The following NTNG1 variants were observed in gnomAD, a reference collection of about 807,000 sequenced individuals.
The protein encoded by NTNG1 is netrin G1.
NTNG1 carries 16 observed loss-of-function variants against 54.0 expected under a neutral mutation model. That is an observed-to-expected ratio of 0.30 (90% confidence interval 0.20 to 0.45). NTNG1 has a LOEUF of 0.45. Ranked by LOEUF, NTNG1 falls within the 20% of genes least tolerant of loss-of-function variation. The pLI is 1.00. For missense variants in NTNG1, 530 were observed against 678.7 expected (o/e 0.78, Z 2.43); for synonymous variants, 255 against 263.1 (o/e 0.97, Z 0.30).
intron 2 of NTNG1, among the ~76,000 whole-genome samples, chr1:107,286,120 T>G (rs2101745384): frequency 6.6e-6 from 1 of 152,234 alleles, no homozygotes; most frequent in East Asian, 1.9e-4. Flanking sequence ...CTATTGTAAC[T>G]TCTATATCAA....
In NTNG1 at chr1:107,288,329, G is replaced by A. The variant is rs140582863; in HGVS notation, c.247-35953G>A. Among the ~76,000 whole-genome samples the A allele has an allele frequency of 3.5e-3, 533 of 152,270 alleles. 3 individuals carry two copies. The highest frequency in any genetic ancestry group is 5.5e-3 in the Non-Finnish European group (376 of 68,010). On this transcript the variant is annotated intron_variant, in intron 2 of 7. Transcript: ENST00000370068. The stretch of plus-strand genomic sequence containing the variant: ...TTCCATGGGACATTCAGACTGGGAT[G>A]TCTGGCTGGACCACTGAAAATGAGG...
chr1:107,335,993 A>T (rs1668552216), intron 3 of NTNG1, among the ~76,000 whole-genome samples: 1 of 151,898 alleles, frequency 6.6e-6, no homozygotes, highest in South Asian at 2.1e-4. Flanking sequence ...TGTTGCTAAG[A>T]TGTTAATACT....
chr1:107,324,634 C>T lies in NTNG1; in HGVS notation c.599C>T (p.Thr200Met), dbSNP rs773062054. Residue 200 changes from threonine (T) to methionine (M), a missense_variant, in exon 3 of 8, where the codon ACG becomes ATG. Thr to Met is a moderately conservative substitution (Grantham distance 81). This residue lies in a region of NTNG1 where 318 missense variants were observed against 465.1 expected (regional missense o/e 0.68). Coordinates refer to ENST00000370068, the MANE Select transcript of NTNG1 (RefSeq NM_001113226.3). ...TCCGTGAAGGATTTATCACAGCATA[C>T]GGTCTTAGAAATCATTTGCACAGAA... ...PKSVKDLSQHTVLEIICTEEY... is the reference protein window; with the variant it reads ...PKSVKDLSQHMVLEIICTEEY... The T allele has an allele frequency of 3.1e-6, 5 of 1,613,448 alleles. No homozygotes were observed. The highest frequency in any genetic ancestry group is 1.3e-5 in the African/African-American group (1 of 74,984).
intron 2 of NTNG1, among the ~76,000 whole-genome samples, chr1:107,186,623 C>A (rs916055117): frequency 5.9e-5 from 9 of 152,112 alleles, no homozygotes; most frequent in Non-Finnish European, 1.2e-4. Context: ...AACTCTCCGG[C>A]CACCCAAGCC....
chr1:107,244,651 C>T (rs1662067566), intron 2 of NTNG1, among the ~76,000 whole-genome samples: 1 of 152,156 alleles, frequency 6.6e-6, no homozygotes, highest in Admixed American at 6.5e-5. Context: ...CTCTGTGTCT[C>T]CCTCTTCCTT....
intron 3 of NTNG1, among the ~76,000 whole-genome samples, chr1:107,341,611 A>C (rs1037609584): frequency 6.6e-6 from 1 of 152,048 alleles, no homozygotes; most frequent in Non-Finnish European, 1.5e-5. Flanking sequence ...TGAGAATGAA[A>C]ATCATGCTTA....
At chr1:107,416,811 A>G (rs1674235761) in intron 5 of NTNG1, among the ~76,000 whole-genome samples, 1 of 152,048 alleles carries the variant, frequency 6.6e-6, no homozygotes. Flanking sequence ...TAAGCTTGCA[A>G]ACATCACCTC....
chr1:107,357,091 C>G (rs1263603549), intron 3 of NTNG1, among the ~76,000 whole-genome samples: 2 of 152,178 alleles, frequency 1.3e-5, no homozygotes, highest in Non-Finnish European at 2.9e-5. Context: ...CCAGACAACA[C>G]AAATCACCAA....
At chr1:107,189,803 C>T (rs1347965628) in intron 2 of NTNG1, among the ~76,000 whole-genome samples, 1 of 130,534 alleles carries the variant, frequency 7.7e-6, no homozygotes, top group East Asian at 2.4e-4. Flanking sequence ...CAGCTATGGC[C>T]TACCAAGTCA....
chr1:107,469,610 C>A (rs1677847863), intron 7 of NTNG1, among the ~76,000 whole-genome samples: 1 of 152,104 alleles, frequency 6.6e-6, no homozygotes, highest in Non-Finnish European at 1.5e-5. Flanking sequence ...AACCTCCCCA[C>A]CATGCCCAGC....
At chr1:107,293,352 T>C (rs1291416240) in intron 2 of NTNG1, among the ~76,000 whole-genome samples, 1 of 152,206 alleles carries the variant, frequency 6.6e-6, no homozygotes, top group Non-Finnish European at 1.5e-5. Flanking sequence ...TATTGATTCA[T>C]ATTCTAGGAA....
At chr1:107,310,711 T>TG (rs1189670630) in intron 2 of NTNG1, among the ~76,000 whole-genome samples, 6 of 151,914 alleles carry the variant, frequency 3.9e-5, no homozygotes, top group African/African-American at 7.3e-5. Context: ...TAGAAAATCT[T>TG]GGGGGGGAAA....
intron 3 of NTNG1, among the ~76,000 whole-genome samples, chr1:107,337,931 G>C (rs1330284468): frequency 6.6e-6 from 1 of 152,038 alleles, no homozygotes. Context: ...CATTTTCTGT[G>C]TAGAGGAGCG....
chr1:107,163,853 C>G (rs981805631), intron 2 of NTNG1, among the ~76,000 whole-genome samples: 1 of 152,050 alleles, frequency 6.6e-6, no homozygotes, highest in Admixed American at 6.6e-5. Flanking sequence ...GGAATAGGCT[C>G]AATATGTTGG....
chr1:107,264,547 A>G (rs891556526), intron 2 of NTNG1, among the ~76,000 whole-genome samples: 1 of 152,016 alleles, frequency 6.6e-6, no homozygotes, highest in Non-Finnish European at 1.5e-5. Context: ...TGCTCCTTGG[A>G]TTTTTCTATC....
intron 5 of NTNG1, among the ~76,000 whole-genome samples, chr1:107,429,089 G>T (rs1320420437): frequency 2.0e-5 from 3 of 151,982 alleles, no homozygotes; most frequent in African/African-American, 7.2e-5. Context: ...CGTACACATG[G>T]TGATACAGCT....
In NTNG1 at chr1:107,334,564, G is replaced by T. The variant is rs181558274; in HGVS notation, c.887+9642G>T. ...CCAGTATTGGATTTGTATAGACAGG[G>T]TGTACGCCACATAGAGTCATAGCAT... On this transcript the variant is annotated intron_variant, in intron 3 of 7. Transcript: ENST00000370068. 1.8e-3 allele frequency among the ~76,000 whole-genome samples: 277 copies of T among 151,710 alleles called. 1 individual carries two copies. Among genetic ancestry groups the T allele is most frequent in the Middle Eastern group, 3.4e-3 (1 of 292 alleles).
At chr1:107,462,199 C>A (rs1393168042) in intron 7 of NTNG1, among the ~76,000 whole-genome samples, 1 of 152,172 alleles carries the variant, frequency 6.6e-6, no homozygotes, top group Non-Finnish European at 1.5e-5. Flanking sequence ...TGGTTCCTAC[C>A]AGTTTCTGTT....
intron 2 of NTNG1, among the ~76,000 whole-genome samples, chr1:107,210,355 A>C (rs1659517548): frequency 6.6e-6 from 1 of 152,190 alleles, no homozygotes; most frequent in African/African-American, 2.4e-5. Context: ...AATGATAAAG[A>C]CTTGAATTAA....
Sources: allele counts gnomAD v4.1 joint callset (sites outside exome capture counted in the v4.1 genomes callset), GRCh38; gene constraint gnomAD v4.1.1; regional missense constraint gnomAD v4.1.1; transcripts MANE v1.5; gene names NCBI Gene and HGNC (gene_info 2026-07-23, HGNC 2026-07-21).